Variants in SMARCA2 observed in about 807,000 individuals in gnomAD.
The protein encoded by SMARCA2 is SWI/SNF related BAF chromatin remodeling complex subunit ATPase 2.
In SMARCA2, 61 loss-of-function variants were observed where a neutral mutation model predicts 199.8. The ratio of observed to expected loss-of-function variants is 0.31; its 90% CI spans 0.25 to 0.38. The LOEUF is 0.38. Among genes scored for constraint, SMARCA2 ranks in the 10% least tolerant of loss-of-function variants. SMARCA2 has a pLI of 1.00. For missense variants in SMARCA2, 1,344 were observed against 2,012.2 expected, an observed-to-expected ratio of 0.67 and a Z score of 6.35; for synonymous variants, 935 against 732.0, an observed-to-expected ratio of 1.28 and a Z score of -4.48.
intron 1 of SMARCA2, among the ~76,000 whole-genome samples, chr9:2,026,771 T>C (rs1014365273): frequency 6.6e-6 from 1 of 152,234 alleles, no homozygotes; most frequent in Non-Finnish European, 1.5e-5. Context: ...TTGTATCTTG[T>C]AGTAGCCCTG....
At chr9:2,040,018 C>T in intron 4 of SMARCA2, 118 bp downstream of exon 4, 2 of 1,508,886 alleles carry the variant, frequency 1.3e-6, no homozygotes, top group Non-Finnish European at 1.8e-6. Flanking sequence ...TGTTATACCT[C>T]ACTGGCTCTC....
At chr9:2,023,934 G>A (rs1818712606) in intron 1 of SMARCA2, among the ~76,000 whole-genome samples, 1 of 152,208 alleles carries the variant, frequency 6.6e-6, no homozygotes, top group Admixed American at 6.5e-5. Context: ...CAGTTCTCCT[G>A]TAACAGCCAG....
At chr9:2,031,856 TC>T (rs1819085340) in intron 2 of SMARCA2, among the ~76,000 whole-genome samples, 1 of 152,230 alleles carries the variant, frequency 6.6e-6, no homozygotes, top group South Asian at 2.1e-4. Flanking sequence ...CTCTTATTCT[TC>T]CTTCTTCCTC....
chr9:2,192,219 T>C (rs1827935020), intron 33 of SMARCA2: 1 of 178,696 alleles, frequency 5.6e-6, no homozygotes, highest in Non-Finnish European at 1.2e-5. Flanking sequence ...CCCACATTAT[T>C]TTCTTTCTGG....
intron 5 of SMARCA2, among the ~76,000 whole-genome samples, chr9:2,048,761 TC>T (rs1819991939): frequency 6.6e-6 from 1 of 152,230 alleles, no homozygotes; most frequent in Non-Finnish European, 1.5e-5. Flanking sequence ...TTTCATGTAT[TC>T]CCAGAGAGCT....
intron 28 of SMARCA2, among the ~76,000 whole-genome samples, chr9:2,163,551 G>T (rs1825793027): frequency 6.6e-6 from 1 of 152,156 alleles, no homozygotes; most frequent in Non-Finnish European, 1.5e-5. Flanking sequence ...AGCCAGCTTG[G>T]ATTATTATGC....
At position 2,170,274 on chromosome 9, in the gene SMARCA2, A is replaced by C. The variant is rs138618059; in HGVS notation, c.4200-145A>C. ...TGTTATTTTTCCGAATGAGGTTCCA[A>C]ACATAACCCCGTGTAATCTTCCTAA... On this transcript the variant is annotated intron_variant, in intron 28 of 33. Transcript: ENST00000349721. The surrounding 1 kb of genome is among the most constrained non-coding windows in gnomAD (Gnocchi z 4.7). 2,207 of 966,742 alleles carry C rather than the reference A, an allele frequency of 2.3e-3. 11 individuals carry two copies. Among genetic ancestry groups the C allele is most frequent in the South Asian group, 6.5e-3 (358 of 55,100 alleles). The allele number at this position is 966,742 out of a possible 1,614,324, so 59.9% of individuals were successfully genotyped here.
At chr9:2,130,030 G>A (rs992990090) in intron 27 of SMARCA2, among the ~76,000 whole-genome samples, 3 of 152,088 alleles carry the variant, frequency 2.0e-5, no homozygotes, top group South Asian at 2.1e-4. Context: ...ATTATTGTAC[G>A]TTTTGTAGAG....
intron 27 of SMARCA2, among the ~76,000 whole-genome samples, chr9:2,139,544 G>C (rs1824367427): frequency 1.3e-5 from 2 of 152,174 alleles, no homozygotes; most frequent in East Asian, 3.9e-4. Flanking sequence ...GAATTAATAA[G>C]TCCAGCATAG....
In SMARCA2 at chr9:2,039,677, T is replaced by C. The variant is rs546427851; in HGVS notation, c.567T>C (p.Tyr189=). Reference sequence around the variant, plus strand: ...AGCTTCGAGCTCAGATTTTAGCTTATAAAATGCTGGCCCGAGGCCAGCCCC... The same window carrying C: ...AGCTTCGAGCTCAGATTTTAGCTTACAAAATGCTGGCCCGAGGCCAGCCCC... ...LHQLRAQILA[Y]KMLARGQPLP... The change falls in exon 4 of 34, where the codon TAT becomes TAC. Residue 189 remains tyrosine (Y), a synonymous_variant. Coordinates refer to ENST00000349721, the MANE Select transcript of SMARCA2 (RefSeq NM_003070.5). The surrounding 1 kb of genome is among the most constrained non-coding windows in gnomAD (Gnocchi z 4.8). The C allele has an allele frequency of 8.2e-5, 132 of 1,614,052 alleles. 3 individuals carry two copies. In the South Asian group the frequency reaches 1.4e-3, roughly 17 times the overall value.
At chr9:2,139,605 T>G (rs1030232647) in intron 27 of SMARCA2, among the ~76,000 whole-genome samples, 2 of 152,042 alleles carry the variant, frequency 1.3e-5, no homozygotes, top group African/African-American at 4.8e-5. Flanking sequence ...GATGATTGAC[T>G]GTTTTGTTCT....
At chr9:2,148,209 A>G (rs1416507247) in intron 27 of SMARCA2, among the ~76,000 whole-genome samples, 1 of 151,662 alleles carries the variant, frequency 6.6e-6, no homozygotes, top group Non-Finnish European at 1.5e-5. Context: ...CATTTATGTA[A>G]GTACTATCTA....
Position 2,029,072 on chromosome 9 carries a change from C to A in SMARCA2, c.50C>A (p.Pro17Gln), listed in dbSNP as rs543241889. The A allele has an allele frequency of 1.3e-6, 2 of 1,567,482 alleles. No homozygotes were observed. The highest frequency in any genetic ancestry group is 1.7e-6 in the Non-Finnish European group (2 of 1,154,842). The change falls in exon 2 of 34, where the codon CCG becomes CAG. Residue 17 changes from proline to glutamine, a missense_variant. Pro to Gln is a moderately conservative substitution (Grantham distance 76). This residue lies in a region of SMARCA2 where 275 missense variants were observed against 247.5 expected (regional missense o/e 1.11). Transcript: ENST00000349721. ...GCGATGCCCCACCCAGGGCCTTCGC[C>A]GGGGCCTGGGCCTTCCCCTGGGCCA... ...PGAMPHPGPS[P>Q]GPGPSPGPIL...
chr9:2,099,105 G>T (rs1364257667), intron 21 of SMARCA2, among the ~76,000 whole-genome samples: 2 of 152,114 alleles, frequency 1.3e-5, no homozygotes, highest in Non-Finnish European at 2.9e-5. Context: ...GTAAACAGGG[G>T]TAATAATAGA....
At chr9:2,100,359 A>G (rs910903438) in intron 21 of SMARCA2, among the ~76,000 whole-genome samples, 1 of 152,220 alleles carries the variant, frequency 6.6e-6, no homozygotes, top group Non-Finnish European at 1.5e-5. Flanking sequence ...CTGTACATCT[A>G]GGACCTTATT....
chr9:2,140,024 G>C (rs1204328107), intron 27 of SMARCA2, among the ~76,000 whole-genome samples: 1 of 152,206 alleles, frequency 6.6e-6, no homozygotes, highest in East Asian at 1.9e-4. Context: ...GCAAAATGGA[G>C]TCAACTATGT....
At chr9:2,102,637 T>G (rs1407549005) in intron 22 of SMARCA2, among the ~76,000 whole-genome samples, 3 of 152,198 alleles carry the variant, frequency 2.0e-5, no homozygotes, top group Non-Finnish European at 4.4e-5. Context: ...GAAAAGGCCC[T>G]GCTTTAGCCT....
chr9:2,192,775 C>T lies in SMARCA2; in HGVS notation c.*36C>T. On this transcript the variant is annotated 3_prime_UTR_variant, in exon 34 of 34. Coordinates refer to ENST00000349721, the MANE Select transcript of SMARCA2 (RefSeq NM_003070.5). ...CCTTTTTCCTTGGTAGAACTGAATT[C>T]CTTCCTCCCCTGTCTCATTTCTACC... 6.7e-7 allele frequency: 1 copy of T among 1,491,308 alleles called. No homozygotes were observed. The highest frequency in any genetic ancestry group is 1.1e-5 in the South Asian group (1 of 88,440). 92.4% of individuals were successfully genotyped at this position (1,491,308 alleles called of 1,614,324 possible). A position where few individuals can be genotyped will look rare whatever the true frequency, so the allele number is the denominator to read the frequency against.
chr9:2,083,663 T>C (rs1821665880), intron 16 of SMARCA2, among the ~76,000 whole-genome samples: 1 of 152,218 alleles, frequency 6.6e-6, no homozygotes, highest in Non-Finnish European at 1.5e-5. Context: ...GTAATACAAA[T>C]GACAAATATC....
Sources: allele counts gnomAD v4.1 joint callset (sites outside exome capture counted in the v4.1 genomes callset), GRCh38; gene constraint gnomAD v4.1.1; regional missense constraint gnomAD v4.1.1; non-coding constraint Gnocchi (gnomAD v3.1); transcripts MANE v1.5; gene names NCBI Gene and HGNC (gene_info 2026-07-23, HGNC 2026-07-21).